Variants in COL4A4 observed in about 807,000 individuals in gnomAD.
COL4A4 encodes the protein collagen type IV alpha 4 chain.
A neutral mutation model predicts 192.9 loss-of-function variants in COL4A4; 105 were observed. The ratio of observed to expected loss-of-function variants is 0.54; its 90% CI spans 0.46 to 0.64. The LOEUF is 0.64. Among genes scored for constraint, COL4A4 ranks in the 30% least tolerant of loss-of-function variants. COL4A4 has a pLI of 0.00. For synonymous variants in COL4A4, 762 were observed against 769.9 expected (o/e 0.99, Z 0.17); for missense variants, 1,967 against 2,169.3 (o/e 0.91, Z 1.85).
chr2:227,096,241 C>T (rs2060200497), intron 19 of COL4A4, among the ~76,000 whole-genome samples: 1 of 152,138 alleles, frequency 6.6e-6, no homozygotes, highest in Non-Finnish European at 1.5e-5. Context: ...ACAGAGCCCA[C>T]CCAGGGAGGC....
rs75022846 is a variant in COL4A4, at chr2:227,132,010, G to A, written c.192+8151C>T. ...GGCCTCTAGAGAATACATTTCTGTT[G>A]TATTAAGCCACCATGTATATGGTCA... On this transcript the variant is annotated intron_variant, in intron 4 of 47. Transcript: ENST00000396625. Among the ~76,000 whole-genome samples, 1,142 of 152,324 alleles carry A rather than the reference G, an allele frequency of 7.5e-3. 12 individuals are homozygous for A. The highest frequency in any genetic ancestry group is 0.011 in the Non-Finnish European group (746 of 68,034).
intron 26 of COL4A4, among the ~76,000 whole-genome samples, chr2:227,060,581 C>CTTGTAGGGTAGGGCA (rs1394504493): frequency 6.6e-6 from 1 of 152,146 alleles, no homozygotes; most frequent in Non-Finnish European, 1.5e-5. Flanking sequence ...ATTGTCTGCC[C>CTTGTAGGGTAGGGCA]TTGTAGGGGT....
chr2:227,024,004 CA>C (rs61317428), intron 43 of COL4A4, among the ~76,000 whole-genome samples: 99 of 137,554 alleles, frequency 7.2e-4, no homozygotes, highest in South Asian at 9.1e-4. Context: ...GACTCTGTCT[CA>C]AAAAAAAAAA....
At chr2:227,024,018 AAAAAACAAAC>A (rs1288605499) in intron 43 of COL4A4, among the ~76,000 whole-genome samples, 1 of 149,758 alleles carries the variant, frequency 6.7e-6, no homozygotes, top group Non-Finnish European at 1.5e-5. Flanking sequence ...AAAAAAAAAC[AAAAAACAAAC>A]AAAAAAAACC....
the COL4A4 span, among the ~76,000 whole-genome samples, chr2:226,991,208 G>A: frequency 2.0e-5 from 3 of 152,130 alleles, no homozygotes; most frequent in Non-Finnish European, 2.9e-5. Context: ...TTGAGACAGA[G>A]TCTCACTCTG....
intron 43 of COL4A4, among the ~76,000 whole-genome samples, chr2:227,023,455 AG>A (rs1966412598): frequency 2.0e-5 from 3 of 151,566 alleles, no homozygotes; most frequent in African/African-American, 7.3e-5. Context: ...AAAAAAAAAA[AG>A]AAAAAAGAAA....
intron 30 of COL4A4, among the ~76,000 whole-genome samples, chr2:227,055,367 G>A (rs978076680): frequency 1.3e-5 from 2 of 148,982 alleles, no homozygotes; most frequent in Non-Finnish European, 2.9e-5. Context: ...AAAAAATTAG[G>A]CGTGGTGGCA....
At chr2:227,101,594 G>C in intron 16 of COL4A4, 37 bp from the exon 17 acceptor site, 2 of 1,053,066 alleles carry the variant, frequency 1.9e-6, no homozygotes, top group Non-Finnish European at 2.8e-6. Flanking sequence ...AAAAAAAAAA[G>C]TGACTGGGTG....
intron 44 of COL4A4, among the ~76,000 whole-genome samples, chr2:227,013,207 C>T (rs1265731473): frequency 1.3e-5 from 2 of 152,176 alleles, no homozygotes; most frequent in African/African-American, 4.8e-5. Context: ...GCTATTATAC[C>T]TAATTTCCTG....
intron 38 of COL4A4, 37 bp from the exon 39 acceptor site, chr2:227,032,313 C>A: frequency 2.5e-6 from 4 of 1,584,634 alleles, no homozygotes; most frequent in Non-Finnish European, 2.6e-6. Context: ...TATATCTTCT[C>A]TTTTCTTGTC....
At chr2:227,161,760 C>T (rs763918772) in intron 1 of COL4A4, among the ~76,000 whole-genome samples, 2 of 152,036 alleles carry the variant, frequency 1.3e-5, no homozygotes, top group African/African-American at 4.8e-5. Context: ...CCAGGGAGGC[C>T]AATGCTGCTG....
At chr2:227,060,590 G>A (rs1976702186) in intron 26 of COL4A4, among the ~76,000 whole-genome samples, 1 of 152,192 alleles carries the variant, frequency 6.6e-6, no homozygotes, top group Admixed American at 6.5e-5. Context: ...CCTTGTAGGG[G>A]TAAAGAGGTG....
chr2:227,090,637 C>T (rs576250273), intron 20 of COL4A4, among the ~76,000 whole-genome samples: 3 of 151,418 alleles, frequency 2.0e-5, no homozygotes, highest in South Asian at 2.1e-4. Context: ...CTGTAATCCC[C>T]GCTACTTGAG....
chr2:227,143,218 T>C (rs936208561), intron 3 of COL4A4, among the ~76,000 whole-genome samples: 1 of 152,216 alleles, frequency 6.6e-6, no homozygotes, highest in African/African-American at 2.4e-5. Flanking sequence ...CCATACTTTG[T>C]TTAACCAGTT....
intron 25 of COL4A4, among the ~76,000 whole-genome samples, chr2:227,065,039 A>G (rs62225158): frequency 2.0e-5 from 3 of 152,054 alleles, no homozygotes; most frequent in African/African-American, 7.2e-5. Context: ...CGCACCGTGC[A>G]CGAGCCGAAG....
chr2:227,147,350 A>T, intron 2 of COL4A4, 63 bp downstream of exon 2: 1 of 1,483,888 alleles, frequency 6.7e-7, no homozygotes, highest in Admixed American at 1.7e-5. Flanking sequence ...GTTTACATCC[A>T]TAGAACAAAC....
chr2:227,125,922 A>G (rs550336026), intron 4 of COL4A4, among the ~76,000 whole-genome samples: 1 of 152,288 alleles, frequency 6.6e-6, no homozygotes, highest in South Asian at 2.1e-4. Context: ...CTAAGTGCCC[A>G]AGGTCATGAT....
chr2:227,083,877 G>A (rs1399195200), intron 22 of COL4A4, among the ~76,000 whole-genome samples: 1 of 152,160 alleles, frequency 6.6e-6, no homozygotes, highest in Non-Finnish European at 1.5e-5. Context: ...GGGCACAGTG[G>A]CATCAGCAAT....
At chr2:227,018,135 T>C (rs1456564630) in intron 44 of COL4A4, among the ~76,000 whole-genome samples, 1 of 152,206 alleles carries the variant, frequency 6.6e-6, no homozygotes, top group Non-Finnish European at 1.5e-5. Flanking sequence ...CTTAAGGCTC[T>C]GCTCAAATAC....
Sources: allele counts gnomAD v4.1 joint callset (sites outside exome capture counted in the v4.1 genomes callset), GRCh38; gene constraint gnomAD v4.1.1; transcripts MANE v1.5; gene names NCBI Gene and HGNC (gene_info 2026-07-23, HGNC 2026-07-21).